TMEM143: variants seen among roughly 807,000 people sequenced by gnomAD.
The protein encoded by TMEM143 is transmembrane protein 143.
A neutral mutation model predicts 40.3 loss-of-function variants in TMEM143; 45 were observed. The ratio of observed to expected loss-of-function variants is 1.12; its 90% confidence interval spans 0.88 to 1.43. TMEM143 has a LOEUF of 1.43. Ranked by LOEUF, TMEM143 falls within the 40% of genes most tolerant of loss-of-function variation. The probability of loss-of-function intolerance (pLI) is 0.00; values close to 1 mark genes in which losing one functional copy is unlikely to be tolerated. For synonymous variants in TMEM143, 299 were observed against 282.7 expected (o/e 1.06, Z -0.58); for missense variants, 620 against 613.4 (o/e 1.01, Z -0.11).
At chr19:48,355,889 C>T (rs1005098489) in intron 3 of TMEM143, among the ~76,000 whole-genome samples, 4 of 152,070 alleles carry the variant, frequency 2.6e-5, no homozygotes, top group Admixed American at 1.3e-4. Flanking sequence ...AGTTTGACCT[C>T]GGAGGGGCTG....
chr19:48,353,403 C>T (rs1003534137), intron 3 of TMEM143, among the ~76,000 whole-genome samples: 1 of 151,462 alleles, frequency 6.6e-6, no homozygotes, highest in Non-Finnish European at 1.5e-5. Context: ...AGGCTGGTCT[C>T]GAACTCCTGA....
At chr19:48,339,816 C>A (rs976914279) in intron 6 of TMEM143, among the ~76,000 whole-genome samples, 1 of 152,186 alleles carries the variant, frequency 6.6e-6, no homozygotes, top group Non-Finnish European at 1.5e-5. Flanking sequence ...GCAACCTCCA[C>A]CTCCCGAGTT....
chr19:48,362,951 T>C (rs1254889392), intron 2 of TMEM143, among the ~76,000 whole-genome samples: 2 of 152,184 alleles, frequency 1.3e-5, no homozygotes, highest in Non-Finnish European at 2.9e-5. Flanking sequence ...GATTACAGCG[T>C]TGTGACTTTA....
chr19:48,344,755 G>A (rs1172310013), intron 4 of TMEM143, among the ~76,000 whole-genome samples: 3 of 152,014 alleles, frequency 2.0e-5, no homozygotes, highest in Non-Finnish European at 2.9e-5. Flanking sequence ...TGCCCAGGCT[G>A]GAGTGCAATG....
In TMEM143 at chr19:48,333,965, G is replaced by C; in HGVS notation, c.1165+43C>G. On this transcript the variant is annotated intron_variant, in intron 7 of 7. Coordinates refer to ENST00000293261, the MANE Select transcript of TMEM143 (RefSeq NM_018273.4). This position sits in a 1 kb window ranked among gnomAD's most constrained non-coding sequence, Gnocchi z 4.1. ...CATCTCGCTGGGGCGGGGCCTCGCG[G>C]GGGTGTGGCCCCTGGGGGCAGGGTC... The C allele has an allele frequency of 6.8e-7, 1 of 1,474,622 alleles. No homozygotes were observed. 91.3% of individuals were successfully genotyped at this position (1,474,622 alleles called of 1,614,324 possible). A position where few individuals can be genotyped will look rare whatever the true frequency, so the allele number is the denominator to read the frequency against.
chr19:48,333,984 C>T lies in TMEM143; in HGVS notation c.1165+24G>A. On this transcript the variant is annotated intron_variant, in intron 7 of 7. Transcript: ENST00000293261. The surrounding 1 kb of genome is among the most constrained non-coding windows in gnomAD (Gnocchi z 4.1). ...CTCGCGGGGGTGTGGCCCCTGGGGG[C>T]AGGGTCCCAGGGCCACGTCCTACCT... The T allele has an allele frequency of 6.6e-7, 1 of 1,510,124 alleles. No homozygotes were observed. Among genetic ancestry groups the T allele is most frequent in the South Asian group, 1.2e-5 (1 of 82,158 alleles). 93.5% of individuals were successfully genotyped at this position (1,510,124 alleles called of 1,614,324 possible).
chr19:48,338,695 C>T (rs1248965730), intron 6 of TMEM143, among the ~76,000 whole-genome samples: 1 of 152,220 alleles, frequency 6.6e-6, no homozygotes. Flanking sequence ...CCTCTCCCTC[C>T]AGGGCAGGAT....
chr19:48,341,599 G>T (rs1166436450), intron 6 of TMEM143, among the ~76,000 whole-genome samples: 1 of 152,110 alleles, frequency 6.6e-6, no homozygotes, highest in Non-Finnish European at 1.5e-5. Flanking sequence ...CATGTGGGAG[G>T]CTCTATTCTC....
At chr19:48,350,991 C>A (rs1234057091) in intron 3 of TMEM143, among the ~76,000 whole-genome samples, 1 of 151,770 alleles carries the variant, frequency 6.6e-6, no homozygotes, top group East Asian at 1.9e-4. Flanking sequence ...TGCCATATTC[C>A]ACCATCAAGC....
At chr19:48,343,293 T>G (rs1431440739) in intron 5 of TMEM143, 28 bp downstream of exon 5, 1 of 1,604,822 alleles carries the variant, frequency 6.2e-7, no homozygotes, top group East Asian at 2.2e-5. Context: ...TCCCTCTTGC[T>G]GCAGCTGGGG....
Position 48,361,290 on chromosome 19 carries a change from A to G in TMEM143, c.265-1114T>C, listed in dbSNP as rs113183881. On this transcript the variant is annotated intron_variant, in intron 2 of 7. Coordinates refer to ENST00000293261, the MANE Select transcript of TMEM143 (RefSeq NM_018273.4). ...GCTGGAGTGCAGCGGCCATGATCTC[A>G]GCTCACTGCGACCTCTTCCTCCACG... Among the ~76,000 whole-genome samples, 1,336 of 149,304 alleles carry G rather than the reference A, an allele frequency of 8.9e-3. 28 individuals carry two copies. Among genetic ancestry groups the G allele is most frequent in the African/African-American group, 0.031 (1,267 of 40,468 alleles).
chr19:48,358,288 G>A (rs1312743358), intron 3 of TMEM143, among the ~76,000 whole-genome samples: 1 of 151,450 alleles, frequency 6.6e-6, no homozygotes, highest in Non-Finnish European at 1.5e-5. Flanking sequence ...GGGGACTGAG[G>A]CACAAGAATC....
intron 3 of TMEM143, 90 bp downstream of exon 3, chr19:48,359,982 G>A (rs1004074430): frequency 2.0e-5 from 26 of 1,310,808 alleles, no homozygotes; most frequent in South Asian, 3.9e-5. Flanking sequence ...TTAAAATAAG[G>A]GCCAGGCTCC....
chr19:48,335,552 C>T (rs530653931), intron 6 of TMEM143, among the ~76,000 whole-genome samples: 25 of 152,116 alleles, frequency 1.6e-4, no homozygotes, highest in African/African-American at 5.3e-4. Flanking sequence ...TGGAGAAACC[C>T]GTCTCTACTA....
intron 3 of TMEM143, among the ~76,000 whole-genome samples, chr19:48,350,919 CAAAAAAA>C (rs71181680): frequency 2.2e-4 from 19 of 88,244 alleles, no homozygotes; most frequent in Middle Eastern, 6.6e-3. Context: ...GACTACATCT[CAAAAAAA>C]AAAAAAAAAA....
chr19:48,343,586 G>C (rs1421606460), intron 4 of TMEM143, 135 bp from the exon 5 acceptor site: 2 of 1,207,786 alleles, frequency 1.7e-6, no homozygotes, highest in African/African-American at 3.1e-5. Context: ...TCTAGGCAGG[G>C]CTGTCACATA....
intron 3 of TMEM143, among the ~76,000 whole-genome samples, chr19:48,350,886 C>T (rs1969752818): frequency 7.9e-6 from 1 of 126,366 alleles, no homozygotes; most frequent in Admixed American, 1.1e-4. Flanking sequence ...AGTGCCACTG[C>T]ACTCCAGCCT....
At chr19:48,342,962 G>T in intron 5 of TMEM143, 153 bp from the exon 6 acceptor site, 1 of 959,014 alleles carries the variant, frequency 1.0e-6, no homozygotes, top group Non-Finnish European at 1.5e-6. Context: ...GATCAGCTGT[G>T]TCCAACCACA....
intron 3 of TMEM143, among the ~76,000 whole-genome samples, chr19:48,358,276 C>T (rs148647148): frequency 1.5e-4 from 22 of 151,466 alleles, no homozygotes; most frequent in African/African-American, 5.1e-4. Context: ...CCTGGCTATT[C>T]GGGGGACTGA....
Sources: allele counts gnomAD v4.1 joint callset (sites outside exome capture counted in the v4.1 genomes callset), GRCh38; gene constraint gnomAD v4.1.1; non-coding constraint Gnocchi (gnomAD v3.1); transcripts MANE v1.5; gene names NCBI Gene and HGNC (gene_info 2026-07-23, HGNC 2026-07-21).